The following TRAPPC6B variants were observed in gnomAD, a reference collection of about 807,000 sequenced individuals.
TRAPPC6B encodes the protein trafficking protein particle complex subunit 6B.
Under a neutral mutation model 24.7 loss-of-function variants are expected in TRAPPC6B, and 27 were observed. The ratio of observed to expected loss-of-function variants is 1.09; its 90% CI spans 0.81 to 1.51. The LOEUF is 1.51. Ranked by LOEUF, TRAPPC6B falls within the 40% of genes most tolerant of loss-of-function variation. The pLI is 0.00. For missense variants in TRAPPC6B, 212 were observed against 190.8 expected (o/e 1.11, Z -0.66); for synonymous variants, 80 against 66.6 (o/e 1.20, Z -0.98).
At chr14:39,156,623 A>C (rs1175761517) in intron 3 of TRAPPC6B, 1 of 152,222 alleles carries the variant, frequency 6.6e-6, no homozygotes, top group African/African-American at 2.4e-5. Flanking sequence ...TGTAGTAAGA[A>C]AATCTTTTAA....
At chr14:39,158,485 C>A in intron 2 of TRAPPC6B, 83 bp from the exon 3 acceptor site, 1 of 805,556 alleles carries the variant, frequency 1.2e-6, no homozygotes, top group South Asian at 1.5e-5. Context: ...TTTCCAAATG[C>A]CAGAACAGCA....
rs576449383 is a variant in TRAPPC6B, at chr14:39,149,224, A to G, written c.*1126T>C. ...GTTTTTATTTTGTGTTTTTAATATAATGTTTGGTATAGTCAATCTTCTTAA... is the reference window on the plus strand; with the variant it reads ...GTTTTTATTTTGTGTTTTTAATATAGTGTTTGGTATAGTCAATCTTCTTAA... On this transcript the variant is annotated 3_prime_UTR_variant, in exon 6 of 6. Transcript: ENST00000330149. 2.0e-5 allele frequency: 3 copies of G among 152,732 alleles called. No homozygotes were observed. The highest frequency in any genetic ancestry group is 7.2e-5 in the African/African-American group (3 of 41,582). 9.5% of individuals were successfully genotyped at this position (152,732 alleles called of 1,614,324 possible).
intron 1 of TRAPPC6B, 122 bp downstream of exon 1, chr14:39,169,893 A>C (rs1378273856): frequency 1.2e-6 from 1 of 855,364 alleles, no homozygotes; most frequent in South Asian, 1.4e-5. Flanking sequence ...CTGGAGGTGG[A>C]CCATTTTGTG....
chr14:39,152,938 C>A (rs1167363386), intron 4 of TRAPPC6B, among the ~76,000 whole-genome samples: 1 of 151,942 alleles, frequency 6.6e-6, no homozygotes, highest in Non-Finnish European at 1.5e-5. Context: ...AGGCTGTAAT[C>A]CCAGCATTTT....
At chr14:39,156,512 T>C (rs1325831608) in intron 3 of TRAPPC6B, among the ~76,000 whole-genome samples, 1 of 152,136 alleles carries the variant, frequency 6.6e-6, no homozygotes, top group African/African-American at 2.4e-5. Context: ...AAGAATTACT[T>C]GAGTCCAGGA....
chr14:39,150,832 C>T (rs56276842), intron 5 of TRAPPC6B, among the ~76,000 whole-genome samples: 4 of 152,152 alleles, frequency 2.6e-5, no homozygotes, highest in South Asian at 2.1e-4. Flanking sequence ...GCACCACACC[C>T]GGCCAGTCAA....
At chr14:39,158,946 G>A (rs1320778675) in intron 2 of TRAPPC6B, 1 of 152,252 alleles carries the variant, frequency 6.6e-6, no homozygotes, top group Non-Finnish European at 1.5e-5. Context: ...AAAATTTCAG[G>A]TGCAATGCAT....
At chr14:39,162,698 T>C (rs2053071480) in intron 1 of TRAPPC6B, among the ~76,000 whole-genome samples, 1 of 152,222 alleles carries the variant, frequency 6.6e-6, no homozygotes, top group African/African-American at 2.4e-5. Flanking sequence ...CTCAGTGTCT[T>C]AGCTGATTAT....
At position 39,149,486 on chromosome 14, in the gene TRAPPC6B, C is replaced by A. The variant is rs914348105; in HGVS notation, c.*864G>T. On this transcript the variant is annotated 3_prime_UTR_variant, in exon 6 of 6. Coordinates refer to ENST00000330149, the MANE Select transcript of TRAPPC6B (RefSeq NM_001079537.2). ...AGAAGAGGTGGTAAGAAAGATATAT[C>A]AGATGAGCACTGACCCCAAACCACT... The A allele has an allele frequency of 6.6e-6, 1 of 152,142 alleles. No individual in the cohort carries two copies. Among genetic ancestry groups the A allele is most frequent in the Admixed American group, 6.6e-5 (1 of 15,266 alleles). 9.4% of individuals were successfully genotyped at this position (152,142 alleles called of 1,614,324 possible). A position where few individuals can be genotyped will look rare whatever the true frequency, so the allele number is the denominator to read the frequency against.
chr14:39,160,984 A>G (rs1343722999), intron 1 of TRAPPC6B, among the ~76,000 whole-genome samples: 1 of 152,248 alleles, frequency 6.6e-6, no homozygotes, highest in Non-Finnish European at 1.5e-5. Flanking sequence ...CAGTTAGGAG[A>G]AAACCAAGTG....
intron 1 of TRAPPC6B, among the ~76,000 whole-genome samples, chr14:39,167,271 A>G (rs1387037193): frequency 1.3e-5 from 2 of 152,242 alleles, no homozygotes; most frequent in Non-Finnish European, 2.9e-5. Context: ...CTCTTTAAGC[A>G]TAGTTTGAAA....
chr14:39,157,650 G>C, intron 3 of TRAPPC6B: 1 of 343,192 alleles, frequency 2.9e-6, no homozygotes, highest in Non-Finnish European at 5.7e-6. Context: ...TCCACAAGAA[G>C]ACCCGCACCA....
At chr14:39,158,431 T>C (rs755654443) in intron 2 of TRAPPC6B, 29 bp from the exon 3 acceptor site, 7 of 1,313,576 alleles carry the variant, frequency 5.3e-6, no homozygotes, top group Non-Finnish European at 7.5e-6. Flanking sequence ...AGTAATACAG[T>C]ATTTCTCCTC....
In TRAPPC6B at chr14:39,160,051, C is replaced by T. The variant is rs565390490; in HGVS notation, c.82-501G>A. On this transcript the variant is annotated intron_variant, in intron 1 of 5. Transcript: ENST00000330149. ...AAATGTTGGCCATGCTGGTCTCAAA[C>T]TCCTGACCTCAAGCAATCCACCTGC... Among the ~76,000 whole-genome samples the T allele has an allele frequency of 9.9e-5, 15 of 152,222 alleles. No homozygotes were observed. The South Asian group carries it at 2.9e-3, about 29-fold the overall frequency.
In TRAPPC6B at chr14:39,170,315, T is replaced by C; in HGVS notation, c.-220A>G. ...CCCACACTTCGGGGCTACCAAATCCTAGGGCCGAACTAAAGTCTGACGGGA... is the reference window on the plus strand; with the variant it reads ...CCCACACTTCGGGGCTACCAAATCCCAGGGCCGAACTAAAGTCTGACGGGA... On this transcript the variant is annotated 5_prime_UTR_variant, in exon 1 of 6. Transcript: ENST00000330149. 2 of 561,930 alleles carry C rather than the reference T, an allele frequency of 3.6e-6. No individual in the cohort carries two copies. The highest frequency in any genetic ancestry group is 6.3e-6 in the Non-Finnish European group (2 of 319,750). The allele number at this position is 561,930 out of a possible 1,614,324, so 34.8% of individuals were successfully genotyped here. A position where few individuals can be genotyped will look rare whatever the true frequency, so the allele number is the denominator to read the frequency against.
intron 1 of TRAPPC6B, among the ~76,000 whole-genome samples, 193 bp from the exon 2 acceptor site, chr14:39,159,743 CT>C (rs76405968): frequency 0.14 from 20,643 of 151,306 alleles, 1,451 homozygotes; most frequent in Admixed American, 0.17. Flanking sequence ...TTACTTTTTA[CT>C]TTTTTTTTGA....
intron 1 of TRAPPC6B, among the ~76,000 whole-genome samples, chr14:39,163,054 T>C (rs1207815663): frequency 6.6e-6 from 1 of 150,622 alleles, no homozygotes; most frequent in Non-Finnish European, 1.5e-5. Context: ...CATACCCCTT[T>C]GGCAACTCTC....
chr14:39,151,745 C>T lies in TRAPPC6B; in HGVS notation c.445+1G>A. 6.4e-7 allele frequency: 1 copy of T among 1,571,694 alleles called. No individual in the cohort carries two copies. The highest frequency in any genetic ancestry group is 8.6e-7 in the Non-Finnish European group (1 of 1,164,260). ...TTGTAAGAAAGGCGAATTCAACTTACAAGCAGGCATTGAAGACACTTCAGC... is the reference window on the plus strand; with the variant it reads ...TTGTAAGAAAGGCGAATTCAACTTATAAGCAGGCATTGAAGACACTTCAGC... On this transcript the variant is annotated splice_donor_variant, in intron 5 of 5. Coordinates refer to ENST00000330149, the MANE Select transcript of TRAPPC6B (RefSeq NM_001079537.2). LOFTEE classifies it high-confidence loss of function.
chr14:39,160,134 A>G (rs2139384409), intron 1 of TRAPPC6B, among the ~76,000 whole-genome samples: 1 of 152,196 alleles, frequency 6.6e-6, no homozygotes, highest in East Asian at 1.9e-4. Flanking sequence ...AGACAGAAAG[A>G]TACATTTTAA....
Sources: gnomAD v4.1 joint callset for allele counts (sites outside exome capture counted in the v4.1 genomes callset) on GRCh38, gnomAD v4.1.1 for gene constraint, MANE v1.5 for transcripts, NCBI Gene and HGNC (gene_info 2026-07-23, HGNC 2026-07-21) for gene names.